PPIP5K2: variants seen among roughly 807,000 people sequenced by gnomAD.
The protein encoded by PPIP5K2 is diphosphoinositol pentakisphosphate kinase 2.
PPIP5K2 carries 105 observed loss-of-function variants against 154.6 expected under a neutral mutation model. That is an observed-to-expected ratio of 0.68 (90% CI 0.58 to 0.80). The LOEUF (loss-of-function observed/expected upper bound fraction) is 0.80. Ranked by LOEUF, PPIP5K2 falls within the 30% of genes least tolerant of loss-of-function variation. The pLI is 0.00. For missense variants in PPIP5K2, 992 were observed against 1,504.6 expected (o/e 0.66, Z 5.64); for synonymous variants, 480 against 490.3 (o/e 0.98, Z 0.28).
chr5:103,150,860 T>A (rs1554211044), intron 8 of PPIP5K2, among the ~76,000 whole-genome samples: 1 of 150,104 alleles, frequency 6.7e-6, no homozygotes, highest in Non-Finnish European at 1.5e-5. Flanking sequence ...TTTTTTTTTT[T>A]TTTTTTTATT....
At chr5:103,131,105 C>T (rs891393159) in intron 2 of PPIP5K2, among the ~76,000 whole-genome samples, 4 of 152,080 alleles carry the variant, frequency 2.6e-5, no homozygotes, top group African/African-American at 9.7e-5. Context: ...TGACTCTTTC[C>T]ATTCTCTTTG....
At chr5:103,130,188 G>C (rs963061987) in intron 2 of PPIP5K2, among the ~76,000 whole-genome samples, 10 of 152,180 alleles carry the variant, frequency 6.6e-5, no homozygotes, top group Non-Finnish European at 1.5e-4. Flanking sequence ...AGAAGGGTAG[G>C]CTACCTAAAA....
At chr5:103,143,123 T>C (rs1793131185) in intron 5 of PPIP5K2, among the ~76,000 whole-genome samples, 1 of 152,204 alleles carries the variant, frequency 6.6e-6, no homozygotes, top group African/African-American at 2.4e-5. Flanking sequence ...GTAAGCCTTA[T>C]GGTAATCACA....
chr5:103,174,987 A>G (rs1445905225), intron 21 of PPIP5K2, among the ~76,000 whole-genome samples: 1 of 152,092 alleles, frequency 6.6e-6, no homozygotes, highest in African/African-American at 2.4e-5. Flanking sequence ...ATAGAGTAAT[A>G]CTACTTGAAG....
At chr5:103,179,034 A>C (rs1390892836) in intron 23 of PPIP5K2, among the ~76,000 whole-genome samples, 1 of 151,930 alleles carries the variant, frequency 6.6e-6, no homozygotes, top group Non-Finnish European at 1.5e-5. Flanking sequence ...TATTCATTCT[A>C]ATAATTTACC....
chr5:103,201,709 T>C lies in PPIP5K2; in HGVS notation c.*75T>C. 9.5e-7 allele frequency: 1 copy of C among 1,049,716 alleles called. No individual in the cohort carries two copies. Among genetic ancestry groups the C allele is most frequent in the Non-Finnish European group, 1.4e-6 (1 of 727,304 alleles). The allele number at this position is 1,049,716 out of a possible 1,614,324, so 65.0% of individuals were successfully genotyped here. A position where few individuals can be genotyped will look rare whatever the true frequency, so the allele number is the denominator to read the frequency against. Reference sequence around the variant, plus strand: ...TTATGTTTCTCCTTATGCATTTATGTGTTCACTTAAAAATGTTTTTAAATC... The same window carrying C: ...TTATGTTTCTCCTTATGCATTTATGCGTTCACTTAAAAATGTTTTTAAATC... On this transcript the variant is annotated 3_prime_UTR_variant, in exon 31 of 31. Coordinates refer to ENST00000358359, the MANE Select transcript of PPIP5K2 (RefSeq NM_001276277.3).
intron 10 of PPIP5K2, 25 bp from the exon 11 acceptor site, chr5:103,153,823 G>C (rs1554212070): frequency 1.3e-6 from 2 of 1,496,474 alleles, no homozygotes; most frequent in Non-Finnish European, 1.8e-6. Flanking sequence ...AGAGAATTAA[G>C]AACATATATA....
At chr5:103,120,818 G>A in intron 1 of PPIP5K2, 2 of 251,636 alleles carry the variant, frequency 7.9e-6, no homozygotes, top group Non-Finnish European at 1.7e-5. Flanking sequence ...GAAGTGATTA[G>A]CCTCGAGTTA....
chr5:103,185,495 C>T (rs1369708322), intron 26 of PPIP5K2, among the ~76,000 whole-genome samples: 4 of 151,900 alleles, frequency 2.6e-5, no homozygotes, highest in African/African-American at 9.7e-5. Flanking sequence ...TTTCATATAG[C>T]TTGTAATGAT....
chr5:103,157,270 T>C (rs1795551855), intron 14 of PPIP5K2, among the ~76,000 whole-genome samples: 1 of 152,138 alleles, frequency 6.6e-6, no homozygotes, highest in Non-Finnish European at 1.5e-5. Flanking sequence ...GTACAGAAAC[T>C]CATTAACTTA....
Position 103,177,694 on chromosome 5 carries a change from G to T in PPIP5K2, c.2557G>T (p.Ala853Ser), listed in dbSNP as rs1798924596. The stretch of plus-strand genomic sequence containing the variant: ...ATCAAAGGATGAACAGTGGAAACGA[G>T]CTATGGATTATTTAAACGTTGTCAA... ...NESKDEQWKR[A>S]MDYLNVVNEL... The change falls in exon 22 of 31, where the codon GCT becomes TCT. Residue 853 changes from alanine (A) to serine (S), a missense_variant. Physicochemically the swap from Ala to Ser is moderately conservative, Grantham distance 99. Around this residue, in one of 9 missense-constraint regions of PPIP5K2, gnomAD observed 157 missense variants for 281.2 expected, o/e 0.56. Coordinates refer to ENST00000358359, the MANE Select transcript of PPIP5K2 (RefSeq NM_001276277.3). 1 of 1,610,448 alleles carries T rather than the reference G, an allele frequency of 6.2e-7. No homozygotes were observed. The highest frequency in any genetic ancestry group is 8.5e-7 in the Non-Finnish European group (1 of 1,178,508).
intron 23 of PPIP5K2, among the ~76,000 whole-genome samples, chr5:103,179,259 TTTC>T (rs1351400702): frequency 1.3e-5 from 2 of 152,028 alleles, no homozygotes; most frequent in African/African-American, 4.8e-5. Context: ...CTCAGTTTAT[TTTC>T]TTTTGGCCAA....
At chr5:103,150,444 T>G (rs1259240817) in intron 8 of PPIP5K2, among the ~76,000 whole-genome samples, 1 of 152,170 alleles carries the variant, frequency 6.6e-6, no homozygotes, top group Non-Finnish European at 1.5e-5. Flanking sequence ...TTATTACAGG[T>G]GTTCACGAAT....
chr5:103,134,685 A>G (rs1791174588), intron 3 of PPIP5K2, among the ~76,000 whole-genome samples: 1 of 152,182 alleles, frequency 6.6e-6, no homozygotes, highest in Non-Finnish European at 1.5e-5. Context: ...TGGGTGTTAT[A>G]GCTAATGTCA....
chr5:103,165,783 G>T (rs1797034167), intron 17 of PPIP5K2, among the ~76,000 whole-genome samples: 1 of 152,054 alleles, frequency 6.6e-6, no homozygotes, highest in Non-Finnish European at 1.5e-5. Context: ...CATCAATTTT[G>T]CAAGGAAAAA....
intron 24 of PPIP5K2, among the ~76,000 whole-genome samples, chr5:103,180,630 A>G (rs948034811): frequency 5.3e-5 from 8 of 151,786 alleles, no homozygotes; most frequent in Non-Finnish European, 7.4e-5. Flanking sequence ...CGGGTGGATC[A>G]TGAGGTCAGG....
intron 5 of PPIP5K2, among the ~76,000 whole-genome samples, chr5:103,146,295 G>C (rs1430214154): frequency 1.3e-5 from 2 of 151,988 alleles, no homozygotes; most frequent in African/African-American, 4.8e-5. Context: ...TGGTGTGGTA[G>C]TGTGAAATGG....
At position 103,208,373 on chromosome 5, in the gene PPIP5K2, G is replaced by A. The variant is rs1554232395; in HGVS notation, c.*6739G>A. 1 of 152,288 alleles carries A rather than the reference G, an allele frequency of 6.6e-6. No homozygotes were observed. The highest frequency in any genetic ancestry group is 1.9e-4 in the East Asian group (1 of 5,192). 9.4% of individuals were successfully genotyped at this position (152,288 alleles called of 1,614,324 possible). On this transcript the variant is annotated 3_prime_UTR_variant, in exon 31 of 31. Transcript: ENST00000358359. ...CAAAATGCTGGAATTACAGGCATGAGCCATCATGCCCGGCCGTAGGTTGGC... is the reference window on the plus strand; with the variant it reads ...CAAAATGCTGGAATTACAGGCATGAACCATCATGCCCGGCCGTAGGTTGGC...
rs199958371 is a variant in PPIP5K2 at position 103,186,457 on chromosome 5, C to T, written c.3289+18C>T. ...CATAGATGGTATGTGCACACATGCA[C>T]ACACAGATTCATACCTACACCCATG... On this transcript the variant is annotated intron_variant, in intron 27 of 30. Transcript: ENST00000358359. The T allele has an allele frequency of 6.8e-6, 11 of 1,613,496 alleles. No homozygotes were observed. The East Asian group carries it at 2.5e-4, about 36-fold the overall frequency.
Sources: allele counts gnomAD v4.1 joint callset (sites outside exome capture counted in the v4.1 genomes callset), GRCh38; gene constraint gnomAD v4.1.1; regional missense constraint gnomAD v4.1.1; transcripts MANE v1.5; gene names NCBI Gene and HGNC (gene_info 2026-07-23, HGNC 2026-07-21).